The following PRDM4 variants were observed in gnomAD, a reference collection of about 807,000 sequenced individuals.
PRDM4 encodes PR domain zinc finger protein 4.
In PRDM4, 38 loss-of-function variants were observed where a neutral mutation model predicts 62.3. That is an observed-to-expected ratio of 0.61 (90% CI 0.47 to 0.80). The LOEUF is 0.80. Ranked by LOEUF, PRDM4 falls within the 30% of genes least tolerant of loss-of-function variation. The probability of loss-of-function intolerance (pLI) is 0.00; values close to 1 mark genes in which losing one functional copy is unlikely to be tolerated. For missense variants in PRDM4, 858 were observed against 997.1 expected (o/e 0.86, Z 1.88); for synonymous variants, 339 against 348.2 (o/e 0.97, Z 0.30).
In PRDM4 at chr12:107,757,718, A is replaced by G. The variant is rs1891105732; in HGVS notation, c.12-753T>C. Among the ~76,000 whole-genome samples, 3 of 149,372 alleles carry G rather than the reference A, an allele frequency of 2.0e-5. No homozygotes were observed. In the South Asian group the frequency reaches 6.8e-4, roughly 34 times the overall value. On this transcript the variant is annotated intron_variant, in intron 2 of 11. Coordinates refer to ENST00000228437, the MANE Select transcript of PRDM4 (RefSeq NM_012406.4). ...TGCCAAAAAGTTTTTCATTGCACCA[A>G]ACTTTTTTTTAACTGCACCAAACTT...
At chr12:107,753,849 C>A in intron 4 of PRDM4, 75 bp downstream of exon 4, 1 of 1,370,668 alleles carries the variant, frequency 7.3e-7, no homozygotes, top group Non-Finnish European at 9.9e-7. Context: ...AAGTGTTATT[C>A]ATATCTTCAG....
intron 3 of PRDM4, among the ~76,000 whole-genome samples, chr12:107,755,962 T>G (rs537101044): frequency 6.6e-6 from 1 of 152,318 alleles, no homozygotes; most frequent in South Asian, 2.1e-4. Context: ...GGCGTGTGCC[T>G]GTAGTCTCAG....
chr12:107,735,008 G>A (rs374834058), intron 11 of PRDM4, among the ~76,000 whole-genome samples: 4 of 151,834 alleles, frequency 2.6e-5, no homozygotes, highest in East Asian at 3.9e-4. Flanking sequence ...TTATTTTTTA[G>A]AGACAGGGTC....
chr12:107,760,439 C>T, intron 2 of PRDM4, 66 bp downstream of exon 2: 1 of 1,602,994 alleles, frequency 6.2e-7, no homozygotes, highest in Non-Finnish European at 8.5e-7. Flanking sequence ...CGGCACTGAC[C>T]CTGGACACTC....
rs111582421 is a variant in PRDM4 at position 107,738,878 on chromosome 12, AACACACACAC to A, written c.2093+495_2093+504del. On this transcript the variant is annotated intron_variant, in intron 11 of 11. Coordinates refer to ENST00000228437, the MANE Select transcript of PRDM4 (RefSeq NM_012406.4). ...TTTTTTTTTAACTGCAATTCAGACA[AACACACACAC>A]ACACACACACACACACACACACACA... 5.8e-4 allele frequency among the ~76,000 whole-genome samples: 85 copies of A among 146,706 alleles called. 1 individual carries two copies. Among genetic ancestry groups the A allele is most frequent in the Middle Eastern group, 7.1e-3 (2 of 280 alleles).
At chr12:107,755,240 G>A (rs1891026389) in intron 3 of PRDM4, among the ~76,000 whole-genome samples, 1 of 152,044 alleles carries the variant, frequency 6.6e-6, no homozygotes, top group Non-Finnish European at 1.5e-5. Context: ...GACTACGGGT[G>A]TGTGCCACCA....
At chr12:107,735,872 G>A (rs1890313049) in intron 11 of PRDM4, among the ~76,000 whole-genome samples, 2 of 151,936 alleles carry the variant, frequency 1.3e-5, no homozygotes, top group African/African-American at 4.8e-5. Flanking sequence ...GTGCAGTCGG[G>A]CGTTCTGAAG....
intron 5 of PRDM4, among the ~76,000 whole-genome samples, chr12:107,747,711 A>G (rs73189570): frequency 0.07 from 10,709 of 152,138 alleles, 441 homozygotes; most frequent in African/African-American, 0.11. Flanking sequence ...TTATGATACT[A>G]TTACTCAATC....
intron 10 of PRDM4, 104 bp from the exon 11 acceptor site, chr12:107,739,655 G>A: frequency 1.7e-6 from 2 of 1,178,600 alleles, no homozygotes; most frequent in East Asian, 2.4e-5. Flanking sequence ...GAATGAAACA[G>A]AGCTGACTGG....
intron 5 of PRDM4, 51 bp from the exon 6 acceptor site, chr12:107,746,475 A>G: frequency 6.9e-7 from 1 of 1,441,912 alleles, no homozygotes. Context: ...CAAGCAGGCT[A>G]AATTACCACC....
chr12:107,734,297 T>C lies in PRDM4; in HGVS notation c.2319A>G (p.Glu773=), dbSNP rs1275340452. The C allele has an allele frequency of 6.2e-7, 1 of 1,614,200 alleles. No homozygotes were observed. The highest frequency in any genetic ancestry group is 1.3e-5 in the African/African-American group (1 of 75,042). ...CTGTCCCCACAGAGTCTGCTAGATCTTCCTCTTCTGAGTCATCCTCTTCTT... is the reference window on the plus strand; with the variant it reads ...CTGTCCCCACAGAGTCTGCTAGATCCTCCTCTTCTGAGTCATCCTCTTCTT... The part of the protein sequence containing the change: ...EEEEEDDSEE[E]DLADSVGTED... The change falls in exon 12 of 12, where the codon GAA becomes GAG. Residue 773 remains glutamate, a synonymous_variant. Coordinates refer to ENST00000228437, the MANE Select transcript of PRDM4 (RefSeq NM_012406.4).
chr12:107,734,176 C>A lies in PRDM4; in HGVS notation c.*34G>T, dbSNP rs1239437398. 3 of 1,550,356 alleles carry A rather than the reference C, an allele frequency of 1.9e-6. No individual in the cohort carries two copies. Among genetic ancestry groups the A allele is most frequent in the South Asian group, 2.5e-5 (2 of 81,096 alleles). On this transcript the variant is annotated 3_prime_UTR_variant, in exon 12 of 12. Coordinates refer to ENST00000228437, the MANE Select transcript of PRDM4 (RefSeq NM_012406.4). ...CTGGTTATGTGTATTTTTCCATTTG[C>A]ATTTTCATCCAAAATTGCTTGTTTC...
At position 107,741,043 on chromosome 12, in the gene PRDM4, A is replaced by G. The variant is rs1398655131; in HGVS notation, c.1827T>C (p.Phe609=). Reference sequence around the variant, plus strand: ...GGGGCTTCATACCCATGTGACCCATAAAGTGGACATGAAGTTTGGAAGGAG... The same window carrying G: ...GGGGCTTCATACCCATGTGACCCATGAAGTGGACATGAAGTTTGGAAGGAG... The part of the protein sequence containing the change: ...FISPSKLHVH[F]MGHMGMKPHK... Residue 609 remains phenylalanine (F), a synonymous_variant, in exon 10 of 12, where the codon TTT becomes TTC. Transcript: ENST00000228437. 5 of 1,614,194 alleles carry G rather than the reference A, an allele frequency of 3.1e-6. No individual in the cohort carries two copies. The highest frequency in any genetic ancestry group is 4.2e-6 in the Non-Finnish European group (5 of 1,180,028).
In PRDM4 at chr12:107,741,022, C is replaced by T. The variant is rs752904240; in HGVS notation, c.1848G>A (p.Lys616=). ...HVHFMGHMGM[K]PHKCDFCSKA... ...TGCTACAGAAATCACACTTGTGGGG[C>T]TTCATACCCATGTGACCCATAAAGT... Residue 616 remains lysine, a synonymous_variant, in exon 10 of 12, where the codon AAG becomes AAA. Coordinates refer to ENST00000228437, the MANE Select transcript of PRDM4 (RefSeq NM_012406.4). 3 of 1,614,038 alleles carry T rather than the reference C, an allele frequency of 1.9e-6. No individual in the cohort carries two copies. Among genetic ancestry groups the T allele is most frequent in the Non-Finnish European group, 2.5e-6 (3 of 1,180,044 alleles).
At chr12:107,740,348 G>T (rs1450463768) in intron 10 of PRDM4, among the ~76,000 whole-genome samples, 2 of 152,090 alleles carry the variant, frequency 1.3e-5, no homozygotes, top group Non-Finnish European at 2.9e-5. Context: ...TTAGTCAGGT[G>T]TGGTGGCGCA....
At position 107,760,543 on chromosome 12, in the gene PRDM4, G is replaced by A. The variant is rs768549187; in HGVS notation, c.-28C>T. ...GCTTGGGGCCAAATATCAGAGAAAG[G>A]AGCGCTCGGGTGGTGGGGAACAGGC... On this transcript the variant is annotated 5_prime_UTR_variant, in exon 2 of 12. Coordinates refer to ENST00000228437, the MANE Select transcript of PRDM4 (RefSeq NM_012406.4). 1.2e-6 allele frequency: 2 copies of A among 1,612,550 alleles called. No individual in the cohort carries two copies. Among genetic ancestry groups the A allele is most frequent in the Non-Finnish European group, 1.7e-6 (2 of 1,179,328 alleles).
At chr12:107,746,524 A>T (rs1271430942) in intron 5 of PRDM4, 100 bp from the exon 6 acceptor site, 1 of 1,199,548 alleles carries the variant, frequency 8.3e-7, no homozygotes, top group East Asian at 2.8e-5. Context: ...CTTGCTCTGC[A>T]CCCAGGCTGG....
chr12:107,752,409 A>G (rs753236732), intron 4 of PRDM4, among the ~76,000 whole-genome samples, 200 bp from the exon 5 acceptor site: 3 of 152,182 alleles, frequency 2.0e-5, no homozygotes, highest in Non-Finnish European at 2.9e-5. Context: ...CGAAAATCCT[A>G]AAAAAGTTAA....
In PRDM4 at chr12:107,739,986, G is replaced by C. The variant is rs1044535191; in HGVS notation, c.1925-435C>G. Among the ~76,000 whole-genome samples, 10 of 152,168 alleles carry C rather than the reference G, an allele frequency of 6.6e-5. No homozygotes were observed. The East Asian group carries it at 1.9e-3, about 29-fold the overall frequency. On this transcript the variant is annotated intron_variant, in intron 10 of 11. Coordinates refer to ENST00000228437, the MANE Select transcript of PRDM4 (RefSeq NM_012406.4). ...CATATAATATTGCCTCAAAACCAGGGATGAAACAAAATCCTTCCAAGAATG... is the reference window on the plus strand; with the variant it reads ...CATATAATATTGCCTCAAAACCAGGCATGAAACAAAATCCTTCCAAGAATG...
Sources: gnomAD v4.1 joint callset for allele counts (sites outside exome capture counted in the v4.1 genomes callset) on GRCh38, gnomAD v4.1.1 for gene constraint, MANE v1.5 for transcripts, NCBI Gene and HGNC (gene_info 2026-07-23, HGNC 2026-07-21) for gene names.